ECI1: variants seen among roughly 807,000 people sequenced by gnomAD.
ECI1 encodes enoyl-CoA delta isomerase 1, mitochondrial.
In ECI1, 34 loss-of-function variants were observed where a neutral mutation model predicts 34.2. The observed-to-expected ratio is 1.00, with a 90% CI of 0.76 to 1.33. ECI1 has a LOEUF of 1.33. ECI1 is among the 40% of genes most tolerant of loss of function. The pLI is 0.00. For synonymous variants in ECI1, 211 were observed against 193.0 expected, an observed-to-expected ratio of 1.09 and a Z score of -0.77; for missense variants, 456 against 422.2, an observed-to-expected ratio of 1.08 and a Z score of -0.70.
In ECI1 at chr16:2,250,291, G is replaced by GTTTGAAGT. The variant is rs1464842713; in HGVS notation, c.166+1017_166+1024dup. Among the ~76,000 whole-genome samples the GTTTGAAGT allele has an allele frequency of 2.1e-5, 3 of 145,218 alleles. No homozygotes were observed. The East Asian group carries it at 6.1e-4, about 29-fold the overall frequency. ...AAAAAAAAAAAAAAAAAAAAAGTCA[G>GTTTGAAGT]TTTGAAGTTGGTCTTAGTTTGTCCC... On this transcript the variant is annotated intron_variant, in intron 2 of 6. Coordinates refer to ENST00000301729, the MANE Select transcript of ECI1 (RefSeq NM_001919.4).
chr16:2,244,683 C>T, intron 3 of ECI1, 131 bp from the exon 4 acceptor site: 1 of 992,602 alleles, frequency 1.0e-6, no homozygotes, highest in Non-Finnish European at 1.5e-6. Context: ...GGGTGCTGCC[C>T]CACAGAGCCA....
chr16:2,240,038 C>G lies in ECI1; in HGVS notation c.850G>C (p.Asp284His), dbSNP rs549052283. 2 of 1,613,996 alleles carry G rather than the reference C, an allele frequency of 1.2e-6. No individual in the cohort carries two copies. The highest frequency in any genetic ancestry group is 2.2e-5 in the South Asian group (2 of 91,088). Residue 284 changes from aspartate to histidine, a missense_variant, in exon 7 of 7, where the codon GAC becomes CAC. Coordinates refer to ENST00000301729, the MANE Select transcript of ECI1 (RefSeq NM_001919.4). The stretch of plus-strand genomic sequence containing the variant: ...ATCTGCAGGGACTTCTGGATGGAGT[C>G]TTTGGAGATGAAGCTGACGAAGTTC... Reference protein sequence around the residue: ...VQNFVSFISKDSIQKSLQMYL... With the variant: ...VQNFVSFISKHSIQKSLQMYL...
chr16:2,246,726 T>C, intron 3 of ECI1, 133 bp downstream of exon 3: 1 of 1,401,206 alleles, frequency 7.1e-7, no homozygotes, highest in Non-Finnish European at 1.0e-6. Flanking sequence ...GAGTCCAGGG[T>C]GGTGGGGCTG....
Position 2,246,924 on chromosome 16 carries a change from C to T in ECI1, c.229G>A (p.Glu77Lys). ...VNSLSLEFLT[E>K]LVISLEKLEN... ...AGCTTCTCCAGGCTGATGACCAGCT[C>T]CGTCAGAAACTCCAGGCTCAGGCTG... is the stretch of plus-strand genomic sequence containing the variant. The change falls in exon 3 of 7, where the codon GAG becomes AAG. Residue 77 changes from glutamate to lysine, a missense_variant. Coordinates refer to ENST00000301729, the MANE Select transcript of ECI1 (RefSeq NM_001919.4). The T allele has an allele frequency of 6.2e-7, 1 of 1,613,858 alleles. No individual in the cohort carries two copies. The highest frequency in any genetic ancestry group is 8.5e-7 in the Non-Finnish European group (1 of 1,180,018).
chr16:2,241,002 G>A (rs899172944), intron 6 of ECI1: 1 of 151,918 alleles, frequency 6.6e-6, no homozygotes, highest in Admixed American at 6.6e-5. Context: ...GCGACTTAAC[G>A]TGTCATTTTC....
At chr16:2,251,164 A>C (rs1277247797) in intron 2 of ECI1, 152 bp downstream of exon 2, 2 of 266,748 alleles carry the variant, frequency 7.5e-6, no homozygotes, top group Non-Finnish European at 1.3e-5. Flanking sequence ...TGACGAACGA[A>C]CCCAGGTAGA....
chr16:2,249,875 T>C (rs1347347401), intron 2 of ECI1, among the ~76,000 whole-genome samples: 4 of 6,662 alleles, frequency 6.0e-4, no homozygotes, highest in South Asian at 3.7e-3. Context: ...AGACTCCGTC[T>C]CAAAAAAAAA....
In ECI1 at chr16:2,246,780, T is replaced by C. The variant is rs933459132; in HGVS notation, c.294+79A>G. Reference sequence around the variant, plus strand: ...ACGTTGGCAGGCTCTGCCTCTTCCATGTGCAACAGGCCTGGGCTCACATCA... The same window carrying C: ...ACGTTGGCAGGCTCTGCCTCTTCCACGTGCAACAGGCCTGGGCTCACATCA... On this transcript the variant is annotated intron_variant, in intron 3 of 6. Transcript: ENST00000301729. 3.3e-5 allele frequency: 53 copies of C among 1,599,516 alleles called. No homozygotes were observed. In the African/African-American group the frequency reaches 5.5e-4, roughly 17 times the overall value.
chr16:2,246,904 C>A lies in ECI1; in HGVS notation c.249G>T (p.Glu83Asp), dbSNP rs2093541626. The A allele has an allele frequency of 6.2e-7, 1 of 1,613,746 alleles. No homozygotes were observed. Among genetic ancestry groups the A allele is most frequent in the Non-Finnish European group, 8.5e-7 (1 of 1,180,036 alleles). ...GGAAGCTCTTGTCATTCTCCAGCTT[C>A]TCCAGGCTGATGACCAGCTCCGTCA... ...EFLTELVISLEKLENDKSFRG... is the reference protein window; with the variant it reads ...EFLTELVISLDKLENDKSFRG... The change falls in exon 3 of 7, where the codon GAG becomes GAT. Residue 83 changes from glutamate (E) to aspartate (D), a missense_variant. Transcript: ENST00000301729.
chr16:2,247,463 T>C (rs1442313510), intron 2 of ECI1, among the ~76,000 whole-genome samples: 1 of 152,070 alleles, frequency 6.6e-6, no homozygotes. Flanking sequence ...AATGGAGCGA[T>C]CTTGGCTCAC....
At chr16:2,243,929 C>T (rs189325482) in intron 4 of ECI1, among the ~76,000 whole-genome samples, 199 of 152,298 alleles carry the variant, frequency 1.3e-3, no homozygotes, top group African/African-American at 4.6e-3. Context: ...CATGGCCGTG[C>T]ACCCTTGAGG....
At chr16:2,249,281 C>T (rs1049557455) in intron 2 of ECI1, among the ~76,000 whole-genome samples, 2 of 151,726 alleles carry the variant, frequency 1.3e-5, no homozygotes, top group African/African-American at 2.4e-5. Context: ...AATCTCCTGA[C>T]CTCGTGATCC....
rs770068154 is a variant in ECI1, at chr16:2,239,808, G to A, written c.*171C>T. On this transcript the variant is annotated 3_prime_UTR_variant, in exon 7 of 7. Coordinates refer to ENST00000301729, the MANE Select transcript of ECI1 (RefSeq NM_001919.4). ...CTGACGGGCACAGGCACCCATGTGTGTTTGTGTGTGGCTGGGCCTTGGGCC... is the reference window on the plus strand; with the variant it reads ...CTGACGGGCACAGGCACCCATGTGTATTTGTGTGTGGCTGGGCCTTGGGCC... The A allele has an allele frequency of 4.2e-6, 3 of 713,274 alleles. No individual in the cohort carries two copies. In the South Asian group the frequency reaches 4.8e-5, roughly 11 times the overall value. The allele number at this position is 713,274 out of a possible 1,614,324, so 44.2% of individuals were successfully genotyped here.
rs371421985 is a variant in ECI1, at chr16:2,243,190, G to C, written c.598C>G (p.Arg200Gly). 1 of 1,609,822 alleles carries C rather than the reference G, an allele frequency of 6.2e-7. No individual in the cohort carries two copies. Among genetic ancestry groups the C allele is most frequent in the East Asian group, 2.2e-5 (1 of 44,880 alleles). Reference sequence around the variant, plus strand: ...AGCTGCAGGGCACGCTCCGCCGCCCGGTGCCCGATGGTGTTCTCCAGGGTG... The same window carrying C: ...AGCTGCAGGGCACGCTCCGCCGCCCCGTGCCCGATGGTGTTCTCCAGGGTG... ...KDTLENTIGH[R>G]AAERALQLGL... The change falls in exon 6 of 7, where the codon CGG (arginine) becomes GGG (glycine). Residue 200 changes from arginine to glycine, a missense_variant. Transcript: ENST00000301729.
chr16:2,244,430 G>C lies in ECI1; in HGVS notation c.417C>G (p.Asn139Lys), dbSNP rs773793866. 1 of 1,612,442 alleles carries C rather than the reference G, an allele frequency of 6.2e-7. No individual in the cohort carries two copies. The highest frequency in any genetic ancestry group is 8.5e-7 in the Non-Finnish European group (1 of 1,179,816). Residue 139 changes from asparagine to lysine, a missense_variant, in exon 4 of 7, where the codon AAC (asparagine) becomes AAG (lysine). Asn to Lys is a moderately conservative substitution (Grantham distance 94). Coordinates refer to ENST00000301729, the MANE Select transcript of ECI1 (RefSeq NM_001919.4). ...QELWLRLYQS[N>K]LVLVSAINGA... ...CGTTGATGGCGGAGACCAGCACCAG[G>C]TTGGACTGGTACAACCGCAGCCACA...
chr16:2,251,302 C>A lies in ECI1; in HGVS notation c.166+14G>T, dbSNP rs1176259151. ...TGACCCCACGCCCGCCCTCCCTCGG[C>A]GCCGCCCGCTCACCTGCGCCCGCGT... On this transcript the variant is annotated intron_variant, in intron 2 of 6. Transcript: ENST00000301729. 8.5e-7 allele frequency: 1 copy of A among 1,174,958 alleles called. No homozygotes were observed. Among genetic ancestry groups the A allele is most frequent in the Non-Finnish European group, 1.1e-6 (1 of 945,032 alleles). 72.8% of individuals were successfully genotyped at this position (1,174,958 alleles called of 1,614,324 possible).
At chr16:2,248,853 C>G (rs1186824136) in intron 2 of ECI1, among the ~76,000 whole-genome samples, 1 of 152,158 alleles carries the variant, frequency 6.6e-6, no homozygotes, top group African/African-American at 2.4e-5. Context: ...TGAGCAGTTG[C>G]TCCTCATCCC....
chr16:2,239,452 C>T lies in ECI1; in HGVS notation c.*527G>A. The T allele has an allele frequency of 5.9e-6, 1 of 170,442 alleles. No individual in the cohort carries two copies. The highest frequency in any genetic ancestry group is 1.3e-5 in the Non-Finnish European group (1 of 77,838). 10.6% of individuals were successfully genotyped at this position (170,442 alleles called of 1,614,324 possible). A position where few individuals can be genotyped will look rare whatever the true frequency, so the allele number is the denominator to read the frequency against. Reference sequence around the variant, plus strand: ...ATCCTTCTTAAGGGACATTTGGATCCCTGGCAGCACAGCTGCCTCCAGAGT... The same window carrying T: ...ATCCTTCTTAAGGGACATTTGGATCTCTGGCAGCACAGCTGCCTCCAGAGT... On this transcript the variant is annotated 3_prime_UTR_variant, in exon 7 of 7. Coordinates refer to ENST00000301729, the MANE Select transcript of ECI1 (RefSeq NM_001919.4).
chr16:2,239,688 A>T lies in ECI1; in HGVS notation c.*291T>A. The T allele has an allele frequency of 2.2e-6, 1 of 448,442 alleles. No individual in the cohort carries two copies. Among genetic ancestry groups the T allele is most frequent in the East Asian group, 4.7e-5 (1 of 21,326 alleles). 27.8% of individuals were successfully genotyped at this position (448,442 alleles called of 1,614,324 possible). A position where few individuals can be genotyped will look rare whatever the true frequency, so the allele number is the denominator to read the frequency against. ...CTTGACTTACGATTCTGCCTTGGGAACAGAGACACTCCGTGGCAACCTCAC... is the reference window on the plus strand; with the variant it reads ...CTTGACTTACGATTCTGCCTTGGGATCAGAGACACTCCGTGGCAACCTCAC... On this transcript the variant is annotated 3_prime_UTR_variant, in exon 7 of 7. Transcript: ENST00000301729.
Sources: allele counts gnomAD v4.1 joint callset (sites outside exome capture counted in the v4.1 genomes callset), GRCh38; gene constraint gnomAD v4.1.1; transcripts MANE v1.5; gene names NCBI Gene and HGNC (gene_info 2026-07-23, HGNC 2026-07-21).